The following HIVEP2 variants were observed in gnomAD, a reference collection of about 807,000 sequenced individuals.
The protein encoded by HIVEP2 is transcription factor HIVEP2.
A neutral mutation model predicts 180.7 loss-of-function variants in HIVEP2; 14 were observed. That is an observed-to-expected ratio of 0.08 (90% CI 0.05 to 0.12). The LOEUF is 0.12. Ranked by LOEUF, HIVEP2 falls within the 10% of genes least tolerant of loss-of-function variation. The pLI is 1.00. For missense variants in HIVEP2, 2,579 were observed against 3,008.5 expected (o/e 0.86, Z 3.34); for synonymous variants, 1,184 against 1,136.4 (o/e 1.04, Z -0.84).
Position 142,771,844 on chromosome 6 carries a change from G to A in HIVEP2, c.2895C>T (p.Arg965=). The change falls in exon 5 of 10, where the codon CGC becomes CGT. Residue 965 remains arginine (R), a synonymous_variant. Coordinates refer to ENST00000367603, the MANE Select transcript of HIVEP2 (RefSeq NM_006734.4). This position sits in a 1 kb window ranked among gnomAD's most constrained non-coding sequence, Gnocchi z 5.4. The part of the protein sequence containing the change: ...SFESTGTGLS[R]SPSQESNLSH... ...ACAAGTTGCTTTCTTGGCTGGGGCT[G>A]CGGGAGAGGCCTGTGCCTGTGGATT... 5 of 1,614,228 alleles carry A rather than the reference G, an allele frequency of 3.1e-6. No individual in the cohort carries two copies. The highest frequency in any genetic ancestry group is 1.7e-5 in the Admixed American group (1 of 60,030).
chr6:142,896,475 T>C (rs1776997111), intron 1 of HIVEP2, among the ~76,000 whole-genome samples: 2 of 152,104 alleles, frequency 1.3e-5, no homozygotes, highest in South Asian at 4.1e-4. Flanking sequence ...AAGCACCAAT[T>C]TCACAGGCTG....
chr6:142,895,498 A>G (rs1776963751), intron 1 of HIVEP2, among the ~76,000 whole-genome samples: 2 of 152,134 alleles, frequency 1.3e-5, no homozygotes, highest in Admixed American at 1.3e-4. Flanking sequence ...CTCCAAATCT[A>G]CATTTTTTCA....
rs1775494241 is a variant in HIVEP2 at position 142,770,296 on chromosome 6, T to G, written c.4443A>C (p.Ser1481=). Residue 1481 remains serine (S), a synonymous_variant, in exon 5 of 10, where the codon TCA becomes TCC. Transcript: ENST00000367603. This position sits in a 1 kb window ranked among gnomAD's most constrained non-coding sequence, Gnocchi z 4.7. ...EELSAVELTN[S]DIKKDLSRPQ... ...GGCGGGAGAGGTCCTTTTTGATGTC[T>G]GAGTTGGTCAGCTCCACAGCACTAA... 6.2e-7 allele frequency: 1 copy of G among 1,614,088 alleles called. No homozygotes were observed. Among genetic ancestry groups the G allele is most frequent in the Non-Finnish European group, 8.5e-7 (1 of 1,180,050 alleles).
At chr6:142,907,505 T>C (rs1159495755) in intron 1 of HIVEP2, among the ~76,000 whole-genome samples, 1 of 152,134 alleles carries the variant, frequency 6.6e-6, no homozygotes, top group Non-Finnish European at 1.5e-5. Flanking sequence ...CACAAAGCCA[T>C]TGCTTACCCT....
At chr6:142,868,726 T>C (rs1330076695) in intron 1 of HIVEP2, among the ~76,000 whole-genome samples, 1 of 152,234 alleles carries the variant, frequency 6.6e-6, no homozygotes, top group Admixed American at 6.5e-5. Flanking sequence ...TCAGGGGATA[T>C]ATCTATTTTG....
intron 1 of HIVEP2, among the ~76,000 whole-genome samples, chr6:142,937,187 T>C (rs1292046747): frequency 6.6e-6 from 1 of 152,326 alleles, no homozygotes; most frequent in East Asian, 1.9e-4. Flanking sequence ...CAGATTTTAA[T>C]TGATATTTCC....
chr6:142,874,299 C>A (rs1056737129), intron 1 of HIVEP2, among the ~76,000 whole-genome samples: 28 of 152,132 alleles, frequency 1.8e-4, no homozygotes, highest in African/African-American at 6.5e-4. Context: ...TTTCAAAACA[C>A]CATGATACCA....
chr6:142,760,538 T>A lies in HIVEP2; in HGVS notation c.5750A>T (p.Asp1917Val). Reference protein sequence around the residue: ...DGDDNDDDDEDEDDFDDQGDL... With the variant: ...DGDDNDDDDEVEDDFDDQGDL... ...TCCCTGGTCGTCAAAGTCATCTTCA[T>A]CTTCATCATCATCATCATTATCATC... The change falls in exon 9 of 10, where the codon GAT (aspartate) becomes GTT (valine). Residue 1917 changes from aspartate (D) to valine (V), a missense_variant. By Grantham distance (152) the Asp-to-Val change is radical. Transcript: ENST00000367603. 3 of 1,614,054 alleles carry A rather than the reference T, an allele frequency of 1.9e-6. No individual in the cohort carries two copies. The highest frequency in any genetic ancestry group is 2.5e-6 in the Non-Finnish European group (3 of 1,179,930).
intron 1 of HIVEP2, among the ~76,000 whole-genome samples, chr6:142,842,996 T>C (rs1775407730): frequency 1.3e-5 from 2 of 152,148 alleles, no homozygotes; most frequent in African/African-American, 4.8e-5. Flanking sequence ...TACGATCAGA[T>C]ACCTAAATCA....
intron 1 of HIVEP2, among the ~76,000 whole-genome samples, chr6:142,856,784 C>A (rs955436951): frequency 6.6e-6 from 1 of 152,144 alleles, no homozygotes; most frequent in Non-Finnish European, 1.5e-5. Context: ...AAAGATGACA[C>A]AAAGAAATGA....
chr6:142,774,832 T>G lies in HIVEP2; in HGVS notation c.-94A>C. 6.6e-7 allele frequency: 1 copy of G among 1,526,642 alleles called. No homozygotes were observed. Among genetic ancestry groups the G allele is most frequent in the Non-Finnish European group, 8.8e-7 (1 of 1,141,958 alleles). 94.6% of individuals were successfully genotyped at this position (1,526,642 alleles called of 1,614,324 possible). A position where few individuals can be genotyped will look rare whatever the true frequency, so the allele number is the denominator to read the frequency against. The stretch of plus-strand genomic sequence containing the variant: ...CTGTGCTTCTTAAAGCTTGGTTGCT[T>G]CCATGTTCCAGGGTGTCTGCAAACT... On this transcript the variant is annotated 5_prime_UTR_variant, in exon 5 of 10. Coordinates refer to ENST00000367603, the MANE Select transcript of HIVEP2 (RefSeq NM_006734.4). This position sits in a 1 kb window ranked among gnomAD's most constrained non-coding sequence, Gnocchi z 5.1.
At chr6:142,817,963 G>A (rs377362311) in intron 2 of HIVEP2, among the ~76,000 whole-genome samples, 2 of 150,084 alleles carry the variant, frequency 1.3e-5, no homozygotes, top group African/African-American at 4.9e-5. Context: ...CCAAGATCAC[G>A]CCACTGCACT....
At chr6:142,756,840 T>TCTATCTAA (rs1775087531) in intron 9 of HIVEP2, among the ~76,000 whole-genome samples, 1 of 151,958 alleles carries the variant, frequency 6.6e-6, no homozygotes, top group Non-Finnish European at 1.5e-5. Flanking sequence ...TATCTATCTA[T>TCTATCTAA]CCGTCCATCC....
In HIVEP2 at chr6:142,770,565, C is replaced by T; in HGVS notation, c.4174G>A (p.Ala1392Thr). Residue 1392 changes from alanine to threonine, a missense_variant, in exon 5 of 10, where the codon GCC becomes ACC. By Grantham distance (58) the Ala-to-Thr change is moderately conservative. Transcript: ENST00000367603. The surrounding 1 kb of genome is among the most constrained non-coding windows in gnomAD (Gnocchi z 4.7). ...CCCGCATGCTGCCCCAGCACCTGGG[C>T]AATGTTGAATCCTATCCCTTGCATG... ...AAMQGIGFNI[A>T]QVLGQHAGLE... 1 of 1,614,204 alleles carries T rather than the reference C, an allele frequency of 6.2e-7. No individual in the cohort carries two copies.
chr6:142,807,654 A>G (rs1042020772), intron 2 of HIVEP2, among the ~76,000 whole-genome samples: 1 of 152,156 alleles, frequency 6.6e-6, no homozygotes, highest in African/African-American at 2.4e-5. Flanking sequence ...TGTAAATTAA[A>G]TTGGCTGGTG....
rs142901486 is a variant in HIVEP2, at chr6:142,830,705, T to G, written c.-528+6230A>C. Among the ~76,000 whole-genome samples the G allele has an allele frequency of 7.9e-5, 12 of 152,252 alleles. No homozygotes were observed. The East Asian group carries it at 2.1e-3, about 27-fold the overall frequency. ...TATCTATATTTATATCAGACTCAAC[T>G]GGTACACAATCAAATTCATCACACT... On this transcript the variant is annotated intron_variant, in intron 2 of 9. Transcript: ENST00000367603.
rs920504937 is a variant in HIVEP2, at chr6:142,770,445, C to T, written c.4294G>A (p.Val1432Met). ...PLCLPSTSDSVATLGGSKRML... is the reference protein window; with the variant it reads ...PLCLPSTSDSMATLGGSKRML... ...CGCTTGCTACCTCCCAGGGTGGCCA[C>T]GCTGTCAGAGGTGGAAGGTAAACAC... is the stretch of plus-strand genomic sequence containing the variant. The change falls in exon 5 of 10, where the codon GTG becomes ATG. Residue 1432 changes from valine (V) to methionine (M), a missense_variant. Physicochemically the swap from Val to Met is conservative, Grantham distance 21. Transcript: ENST00000367603. The surrounding 1 kb of genome is among the most constrained non-coding windows in gnomAD (Gnocchi z 4.7). 6.8e-6 allele frequency: 11 copies of T among 1,614,126 alleles called. No homozygotes were observed. The African/African-American group carries it at 1.3e-4, about 20-fold the overall frequency.
chr6:142,907,180 A>G (rs1489700734), intron 1 of HIVEP2, among the ~76,000 whole-genome samples: 1 of 152,360 alleles, frequency 6.6e-6, no homozygotes, highest in African/African-American at 2.4e-5. Flanking sequence ...TATCTAGCAT[A>G]TGATGTTGGA....
chr6:142,771,795 A>G lies in HIVEP2; in HGVS notation c.2944T>C (p.Ser982Pro). 2 of 1,614,226 alleles carry G rather than the reference A, an allele frequency of 1.2e-6. No individual in the cohort carries two copies. Among genetic ancestry groups the G allele is most frequent in the Non-Finnish European group, 1.7e-6 (2 of 1,180,044 alleles). The change falls in exon 5 of 10, where the codon TCT becomes CCT. Residue 982 changes from serine to proline, a missense_variant. Physicochemically the swap from Ser to Pro is moderately conservative, Grantham distance 74. Transcript: ENST00000367603. This position sits in a 1 kb window ranked among gnomAD's most constrained non-coding sequence, Gnocchi z 5.4. ...TTACTGGTTTCTTCTCTTTCAAAAG[A>G]CATGGAGAAACTGGAGCTGTGGGAC... is the stretch of plus-strand genomic sequence containing the variant. ...NLSHSSSFSMSFEREETSKLS... is the reference protein window; with the variant it reads ...NLSHSSSFSMPFEREETSKLS...
Sources: gnomAD v4.1 joint callset for allele counts (sites outside exome capture counted in the v4.1 genomes callset) on GRCh38, gnomAD v4.1.1 for gene constraint, Gnocchi (gnomAD v3.1) non-coding constraint, MANE v1.5 for transcripts, NCBI Gene and HGNC (gene_info 2026-07-23, HGNC 2026-07-21) for gene names.